The following NPAS2 variants were observed in gnomAD, a reference collection of about 807,000 sequenced individuals.
NPAS2 encodes the protein neuronal PAS domain-containing protein 2.
In NPAS2, 23 loss-of-function variants were observed where a neutral mutation model predicts 107.5. The observed-to-expected ratio is 0.21, with a 90% confidence interval of 0.15 to 0.30. The LOEUF is 0.30. NPAS2 is among the 10% of genes least tolerant of loss of function. The pLI is 1.00. For missense variants in NPAS2, 756 were observed against 1,043.3 expected, an observed-to-expected ratio of 0.72 and a Z score of 3.79; for synonymous variants, 403 against 417.5, an observed-to-expected ratio of 0.97 and a Z score of 0.42.
chr2:100,932,840 G>A, intron 3 of NPAS2, 70 bp from the exon 4 acceptor site: 1 of 1,039,026 alleles, frequency 9.6e-7, no homozygotes, highest in Non-Finnish European at 1.5e-6. Context: ...GAAGTAACAT[G>A]TGCTTCATTT....
chr2:100,952,979 C>G (rs72974839), intron 7 of NPAS2, among the ~76,000 whole-genome samples: 7,020 of 151,658 alleles, frequency 0.046, 554 homozygotes, highest in African/African-American at 0.16. Flanking sequence ...AAGAGGCTTT[C>G]TTGAGACAAG....
rs1677879820 is a variant in NPAS2 at position 100,988,069 on chromosome 2, C to G, written c.1630-10C>G. On this transcript the variant is annotated splice_polypyrimidine_tract_variant and intron_variant, in intron 16 of 20. Transcript: ENST00000335681. ...CCCCAACTTCACAGGCATTTCTATT[C>G]TGCTCCCAGATGTTCCTGCAGCAGC... is the stretch of plus-strand genomic sequence containing the variant. 3 of 1,613,076 alleles carry G rather than the reference C, an allele frequency of 1.9e-6. No homozygotes were observed. The highest frequency in any genetic ancestry group is 3.3e-5 in the Admixed American group (2 of 59,986).
intron 2 of NPAS2, among the ~76,000 whole-genome samples, chr2:100,907,695 C>G (rs527424793): frequency 1.3e-5 from 2 of 152,118 alleles, no homozygotes; most frequent in Non-Finnish European, 2.9e-5. Flanking sequence ...AGAAAACATG[C>G]TTTGTGTTAG....
Position 100,971,066 on chromosome 2 carries a change from G to A in NPAS2, c.1132G>A (p.Ala378Thr), listed in dbSNP as rs375305010. ...GCCATCCGAGGCCCTCCACTCCTCA[G>A]CACTAAAGGTACGCCCATCCCTGCC... is the stretch of plus-strand genomic sequence containing the variant. ...DPPSEALHSS[A>T]LKDKGSSLEP... The change falls in exon 12 of 21, where the codon GCA becomes ACA. Residue 378 changes from alanine to threonine, a missense_variant. By Grantham distance (58) the Ala-to-Thr change is moderately conservative (BLOSUM62 0). Around this residue, in one of 4 missense-constraint regions of NPAS2, gnomAD observed 496 missense variants for 594.4 expected, o/e 0.83. Transcript: ENST00000335681. 2.1e-5 allele frequency: 34 copies of A among 1,614,002 alleles called. No homozygotes were observed. The highest frequency in any genetic ancestry group is 2.8e-5 in the Non-Finnish European group (33 of 1,179,996).
intron 5 of NPAS2, among the ~76,000 whole-genome samples, chr2:100,947,189 A>G (rs1479812768): frequency 6.6e-6 from 1 of 152,190 alleles, no homozygotes; most frequent in African/African-American, 2.4e-5. Context: ...TCCTCGGTCC[A>G]CTGTGAGCTC....
At chr2:100,842,081 G>GCGCGCGCGCGCGCGCA in intron 1 of NPAS2, among the ~76,000 whole-genome samples, 3 of 148,798 alleles carry the variant, frequency 2.0e-5, no homozygotes, top group African/African-American at 7.4e-5. Flanking sequence ...GCATGTACGC[G>GCGCGCGCGCGCGCGCA]CACACACACA....
chr2:100,909,731 C>G (rs1388867589), intron 2 of NPAS2, among the ~76,000 whole-genome samples: 1 of 125,714 alleles, frequency 8.0e-6, no homozygotes, highest in Non-Finnish European at 1.8e-5. Context: ...CTGAGGCTTC[C>G]TCTTTGTTTT....
chr2:100,875,914 C>T (rs1003881891), intron 1 of NPAS2, among the ~76,000 whole-genome samples: 1 of 152,144 alleles, frequency 6.6e-6, no homozygotes, highest in Non-Finnish European at 1.5e-5. Flanking sequence ...GTGATATTAG[C>T]ACAGAAGGGA....
intron 2 of NPAS2, among the ~76,000 whole-genome samples, chr2:100,907,441 G>A (rs938090899): frequency 6.6e-5 from 10 of 151,106 alleles, no homozygotes; most frequent in African/African-American, 2.4e-4. Context: ...AGAACGTTTG[G>A]TGGTACCCAG....
intron 1 of NPAS2, among the ~76,000 whole-genome samples, chr2:100,824,072 G>A (rs1451875951): frequency 2.0e-5 from 3 of 152,182 alleles, no homozygotes; most frequent in Non-Finnish European, 4.4e-5. Flanking sequence ...TAAAGGACGC[G>A]TGTTAGGCCT....
chr2:100,879,973 G>A (rs1046527105), intron 1 of NPAS2, among the ~76,000 whole-genome samples: 18 of 152,222 alleles, frequency 1.2e-4, no homozygotes, highest in Admixed American at 5.9e-4. Context: ...GTCTTTGACA[G>A]TCAAGAAGTG....
chr2:100,918,074 A>G (rs142727573), intron 2 of NPAS2, among the ~76,000 whole-genome samples: 4,068 of 151,114 alleles, frequency 0.027, 108 homozygotes, highest in Non-Finnish European at 0.041. Flanking sequence ...ATATTTATAT[A>G]TATTTTAAAT....
intron 7 of NPAS2, among the ~76,000 whole-genome samples, chr2:100,958,772 C>T (rs1573722682): frequency 6.6e-6 from 1 of 151,990 alleles, no homozygotes; most frequent in Admixed American, 6.6e-5. Context: ...AAGACAGGGG[C>T]GAGGGAAGTT....
At chr2:100,922,097 A>G (rs1032194564) in intron 2 of NPAS2, among the ~76,000 whole-genome samples, 5 of 152,212 alleles carry the variant, frequency 3.3e-5, no homozygotes, top group African/African-American at 1.2e-4. Flanking sequence ...CTACACTACC[A>G]GCAGATCAGT....
At chr2:100,891,884 G>T (rs545067719) in intron 1 of NPAS2, among the ~76,000 whole-genome samples, 1 of 152,186 alleles carries the variant, frequency 6.6e-6, no homozygotes, top group African/African-American at 2.4e-5. Flanking sequence ...TCCATGGAGG[G>T]AGATGCTTGC....
chr2:100,880,897 T>C (rs1451137168), intron 1 of NPAS2, among the ~76,000 whole-genome samples: 1 of 152,120 alleles, frequency 6.6e-6, no homozygotes, highest in Non-Finnish European at 1.5e-5. Flanking sequence ...CAGGAAAAAC[T>C]GACTCATAAA....
chr2:100,949,196 C>T (rs1219929100), intron 6 of NPAS2, among the ~76,000 whole-genome samples, 171 bp from the exon 7 acceptor site: 1 of 152,172 alleles, frequency 6.6e-6, no homozygotes, highest in Non-Finnish European at 1.5e-5. Context: ...TGGAAGGAAA[C>T]CCCTGTGCAG....
intron 3 of NPAS2, among the ~76,000 whole-genome samples, chr2:100,926,538 T>C (rs1389762929): frequency 6.6e-6 from 1 of 152,206 alleles, no homozygotes; most frequent in East Asian, 1.9e-4. Flanking sequence ...CAATAACTGA[T>C]CATGTTTTCC....
intron 1 of NPAS2, among the ~76,000 whole-genome samples, chr2:100,853,622 G>A (rs1186333678): frequency 6.6e-6 from 1 of 152,200 alleles, no homozygotes; most frequent in African/African-American, 2.4e-5. Flanking sequence ...TCACCAGGAG[G>A]CCAGTTAGAT....
Sources: allele counts gnomAD v4.1 joint callset (sites outside exome capture counted in the v4.1 genomes callset), GRCh38; gene constraint gnomAD v4.1.1; regional missense constraint gnomAD v4.1.1; transcripts MANE v1.5; gene names NCBI Gene and HGNC (gene_info 2026-07-23, HGNC 2026-07-21).